Variants in LARS1 observed in about 807,000 individuals in gnomAD.
The protein encoded by LARS1 is leucine--tRNA ligase, cytoplasmic.
LARS1 carries 100 observed loss-of-function variants against 162.8 expected under a neutral mutation model. The observed-to-expected ratio is 0.61, with a 90% CI of 0.52 to 0.73. The LOEUF (loss-of-function observed/expected upper bound fraction) is 0.73. Among genes scored for constraint, LARS1 ranks in the 30% least tolerant of loss-of-function variants. The pLI, the probability that LARS1 is intolerant of heterozygous loss-of-function variation, is 0.00. For synonymous variants in LARS1, 457 were observed against 462.8 expected, an observed-to-expected ratio of 0.99 and a Z score of 0.16; for missense variants, 1,258 against 1,408.9, an observed-to-expected ratio of 0.89 and a Z score of 1.71.
Position 146,152,359 on chromosome 5 carries a change from G to A in LARS1, c.1285-357C>T, listed in dbSNP as rs979608433. Reference sequence around the variant, plus strand: ...TTCCCAACCCCAAGGATGTGGACCGGTACCAGTCCATGGCATTAGGAACCA... The same window carrying A: ...TTCCCAACCCCAAGGATGTGGACCGATACCAGTCCATGGCATTAGGAACCA... On this transcript the variant is annotated intron_variant, in intron 13 of 31. Transcript: ENST00000394434. 2.9e-4 allele frequency among the ~76,000 whole-genome samples: 44 copies of A among 152,158 alleles called. 1 individual carries two copies. Among genetic ancestry groups the A allele is most frequent in the African/African-American group, 8.4e-4 (35 of 41,424 alleles).
Position 146,172,006 on chromosome 5 carries a change from T to C in LARS1, c.214-16A>G. 6.3e-7 allele frequency: 1 copy of C among 1,588,248 alleles called. No homozygotes were observed. The highest frequency in any genetic ancestry group is 8.6e-7 in the Non-Finnish European group (1 of 1,160,522). On this transcript the variant is annotated splice_polypyrimidine_tract_variant and intron_variant, in intron 3 of 31. Transcript: ENST00000394434. Reference sequence around the variant, plus strand: ...CTACAGCAAACTACAGAAATAAAATTAAATTTAAATTGCAAATTTAAATGC... The same window carrying C: ...CTACAGCAAACTACAGAAATAAAATCAAATTTAAATTGCAAATTTAAATGC...
At chr5:146,144,934 T>C (rs932077355) in intron 15 of LARS1, among the ~76,000 whole-genome samples, 2 of 152,232 alleles carry the variant, frequency 1.3e-5, no homozygotes, top group South Asian at 4.2e-4. Context: ...TCACTTTCTC[T>C]AGCTACTGAT....
rs751280678 is a variant in LARS1 at position 146,133,076 on chromosome 5, G to A, written c.2218C>T (p.Arg740Cys). 5 of 1,610,754 alleles carry A rather than the reference G, an allele frequency of 3.1e-6. No homozygotes were observed. The highest frequency in any genetic ancestry group is 1.7e-5 in the Admixed American group (1 of 59,250). Residue 740 changes from arginine (R) to cysteine (C), a missense_variant, in exon 23 of 32, where the codon CGT becomes TGT. Coordinates refer to ENST00000394434, the MANE Select transcript of LARS1 (RefSeq NM_020117.11). ...TCACCAGCATCAGCCAGAGCCAAAC[G>A]CATTCCTGGAAGAAGAAAAAAAAAT... ...AIDKFSADGM[R>C]LALADAGDTV...
At chr5:146,174,482 ATC>A (rs1561497851) in intron 2 of LARS1, among the ~76,000 whole-genome samples, 1 of 5,644 alleles carries the variant, frequency 1.8e-4, no homozygotes, top group Non-Finnish European at 5.3e-4. Context: ...ATATATATAT[ATC>A]CATATATATA....
At chr5:146,143,151 C>A (rs943201844) in intron 19 of LARS1, 67 bp from the exon 20 acceptor site, 8 of 930,710 alleles carry the variant, frequency 8.6e-6, no homozygotes, top group African/African-American at 8.3e-5. Context: ...AGAATCAGTA[C>A]CTGAATCGAA....
chr5:146,126,477 C>T lies in LARS1; in HGVS notation c.2949G>A (p.Lys983=). The T allele has an allele frequency of 6.2e-7, 1 of 1,612,252 alleles. No individual in the cohort carries two copies. The highest frequency in any genetic ancestry group is 8.5e-7 in the Non-Finnish European group (1 of 1,178,766). Reference sequence around the variant, plus strand: ...ATGGCATGACTTTCTTCATGTATTTCTTCAGTTCTGGCATACTGCCTAGTT... The same window carrying T: ...ATGGCATGACTTTCTTCATGTATTTTTTCAGTTCTGGCATACTGCCTAGTT... The part of the protein sequence containing the change: ...ASELGSMPEL[K]KYMKKVMPFV... Residue 983 remains lysine, a synonymous_variant, in exon 28 of 32, where the codon AAG becomes AAA. Transcript: ENST00000394434.
intron 1 of LARS1, among the ~76,000 whole-genome samples, chr5:146,181,841 A>ATTTTTTTTTT (rs1181046830): frequency 4.2e-5 from 1 of 24,002 alleles, no homozygotes; most frequent in Non-Finnish European, 8.9e-5. Flanking sequence ...GAGGCGCTCA[A>ATTTTTTTTTT]TTTTTTCTTT....
In LARS1 at chr5:146,172,680, A is replaced by G; in HGVS notation, c.213+7T>C. 1 of 1,524,362 alleles carries G rather than the reference A, an allele frequency of 6.6e-7. No individual in the cohort carries two copies. The highest frequency in any genetic ancestry group is 8.9e-7 in the Non-Finnish European group (1 of 1,121,056). The allele number at this position is 1,524,362 out of a possible 1,614,324, so 94.4% of individuals were successfully genotyped here. On this transcript the variant is annotated splice_region_variant and intron_variant, in intron 3 of 31. Coordinates refer to ENST00000394434, the MANE Select transcript of LARS1 (RefSeq NM_020117.11). ...TCCCCATTATAGCAAACATAGGGAAACATTACCTCACATTTGGATAAAGAA... is the reference window on the plus strand; with the variant it reads ...TCCCCATTATAGCAAACATAGGGAAGCATTACCTCACATTTGGATAAAGAA...
chr5:146,168,061 G>A, intron 5 of LARS1, 67 bp downstream of exon 5: 2 of 1,320,614 alleles, frequency 1.5e-6, no homozygotes, highest in Non-Finnish European at 1.1e-6. Context: ...TGCTAGTACT[G>A]GGAATGCACA....
intron 6 of LARS1, 50 bp downstream of exon 6, chr5:146,164,260 A>C (rs1753903988): frequency 1.3e-6 from 2 of 1,548,972 alleles, no homozygotes; most frequent in Non-Finnish European, 1.8e-6. Context: ...AGCACAATAA[A>C]AAAGCACATA....
chr5:146,158,586 A>G (rs866839431), intron 8 of LARS1, among the ~76,000 whole-genome samples: 35 of 152,368 alleles, frequency 2.3e-4, no homozygotes, highest in Middle Eastern at 6.8e-3. Context: ...TGTGTTCTAC[A>G]GGAATTAGAA....
chr5:146,126,002 T>C (rs1440311725), intron 28 of LARS1, among the ~76,000 whole-genome samples: 1 of 151,972 alleles, frequency 6.6e-6, no homozygotes, highest in Non-Finnish European at 1.5e-5. Flanking sequence ...ACAAGAACTA[T>C]CTAGCCCAAA....
In LARS1 at chr5:146,168,276, T is replaced by C. The variant is rs72822293; in HGVS notation, c.295-11A>G. On this transcript the variant is annotated splice_polypyrimidine_tract_variant and intron_variant, in intron 4 of 31. Transcript: ENST00000394434. ...CTTATCAGCACATGCCTACAACGAA[T>C]ATTAGAGATAATGAAGTTCAAAATC... The C allele has an allele frequency of 0.067, 105,828 of 1,586,902 alleles. 3,936 individuals are homozygous for C. Among genetic ancestry groups the C allele is most frequent in the Non-Finnish European group, 0.072 (83,863 of 1,171,130 alleles).
At position 146,153,894 on chromosome 5, in the gene LARS1, T is replaced by C; in HGVS notation, c.1152A>G (p.Lys384=). 2 of 1,610,458 alleles carry C rather than the reference T, an allele frequency of 1.2e-6. No individual in the cohort carries two copies. The highest frequency in any genetic ancestry group is 1.7e-6 in the Non-Finnish European group (2 of 1,177,112). The part of the protein sequence containing the change: ...VLPMLTIKED[K]GTGVVTSVPS... ...TCTAGAAATAAATAAACTCTTTACC[T>C]TTATCCTCCTTAATAGTTAGCATTG... The change falls in exon 11 of 32, where the codon AAA becomes AAG. Residue 384 remains lysine, a splice_region_variant and synonymous_variant. Transcript: ENST00000394434.
At chr5:146,157,211 T>C (rs1342527399) in intron 10 of LARS1, among the ~76,000 whole-genome samples, 192 bp downstream of exon 10, 1 of 152,192 alleles carries the variant, frequency 6.6e-6, no homozygotes, top group Non-Finnish European at 1.5e-5. Flanking sequence ...AAAACTGTTC[T>C]ATATCTTGAT....
At chr5:146,142,678 G>C in intron 20 of LARS1, 194 bp downstream of exon 20, 1 of 528,654 alleles carries the variant, frequency 1.9e-6, no homozygotes. Context: ...TGGTGCCTGG[G>C]GTAGGTATGT....
At chr5:146,132,808 A>G in intron 23 of LARS1, 90 bp downstream of exon 23, 2 of 990,972 alleles carry the variant, frequency 2.0e-6, no homozygotes, top group Non-Finnish European at 2.9e-6. Flanking sequence ...TTTTATTAAA[A>G]AAAAAAAAGA....
chr5:146,161,519 G>A (rs898504253), intron 6 of LARS1, among the ~76,000 whole-genome samples: 10 of 151,974 alleles, frequency 6.6e-5, no homozygotes, highest in South Asian at 2.1e-4. Flanking sequence ...ACTTGAGGTC[G>A]GGAGTTCGAG....
chr5:146,149,032 G>A (rs937426262), intron 15 of LARS1, among the ~76,000 whole-genome samples: 3 of 151,918 alleles, frequency 2.0e-5, no homozygotes, highest in East Asian at 1.9e-4. Flanking sequence ...CTGAGATCGC[G>A]CCATTGCATT....
Sources: allele counts gnomAD v4.1 joint callset (sites outside exome capture counted in the v4.1 genomes callset), GRCh38; gene constraint gnomAD v4.1.1; transcripts MANE v1.5; gene names NCBI Gene and HGNC (gene_info 2026-07-23, HGNC 2026-07-21).